Variants in ABTB2 observed in about 807,000 individuals in gnomAD.
ABTB2 encodes ankyrin repeat and BTB/POZ domain-containing protein 2.
ABTB2 carries 56 observed loss-of-function variants against 104.1 expected under a neutral mutation model. The observed-to-expected ratio is 0.54, with a 90% confidence interval of 0.43 to 0.67. ABTB2 has a LOEUF of 0.67. ABTB2 is among the 30% of genes least tolerant of loss of function. The pLI, the probability that ABTB2 is intolerant of heterozygous loss-of-function variation, is 0.00. For synonymous variants in ABTB2, 606 were observed against 608.2 expected (o/e 1.00, Z 0.05); for missense variants, 1,279 against 1,407.7 (o/e 0.91, Z 1.46).
At chr11:34,172,399 T>TAA (rs1852889941) in intron 4 of ABTB2, among the ~76,000 whole-genome samples, 1 of 70,444 alleles carries the variant, frequency 1.4e-5, no homozygotes, top group Non-Finnish European at 2.8e-5. Context: ...AAAAAAAATA[T>TAA]ATATATATAT....
chr11:34,293,876 C>T (rs1222469712), intron 1 of ABTB2, among the ~76,000 whole-genome samples: 1 of 152,048 alleles, frequency 6.6e-6, no homozygotes, highest in Non-Finnish European at 1.5e-5. Context: ...AGGTGCATGC[C>T]ACCATGCCTG....
chr11:34,164,765 T>C lies in ABTB2; in HGVS notation c.1909A>G (p.Met637Val), dbSNP rs761924074. The stretch of plus-strand genomic sequence containing the variant: ...GAGCCCATGCCGTGGGCCTCCAGCA[T>C]GCTGAGGAGGGGGTCGGCGCCTCGG... ...LSRGADPLLS[M>V]LEAHGMGSSL... is the part of the protein sequence containing the mutation. Residue 637 changes from methionine (M) to valine (V), a missense_variant, in exon 9 of 17, where the codon ATG becomes GTG. Met to Val is a conservative substitution (Grantham distance 21). Coordinates refer to ENST00000435224, the MANE Select transcript of ABTB2 (RefSeq NM_145804.3). The C allele has an allele frequency of 6.4e-7, 1 of 1,565,630 alleles. No homozygotes were observed. The highest frequency in any genetic ancestry group is 2.4e-5 in the East Asian group (1 of 41,566).
At chr11:34,350,621 TG>T (rs1187566939) in intron 1 of ABTB2, among the ~76,000 whole-genome samples, 1 of 152,190 alleles carries the variant, frequency 6.6e-6, no homozygotes, top group African/African-American at 2.4e-5. Context: ...GATACACCCC[TG>T]GGTGTCAGTG....
At position 34,327,121 on chromosome 11, in the gene ABTB2, A is replaced by T. The variant is rs180930765; in HGVS notation, c.883+29580T>A. ...CATACCAGTTAGGAGATAATGGATT[A>T]TGAGAACAGATAAACAACAAAACAT... On this transcript the variant is annotated intron_variant, in intron 1 of 16. Transcript: ENST00000435224. Among the ~76,000 whole-genome samples the T allele has an allele frequency of 3.9e-5, 6 of 152,346 alleles. 1 individual carries two copies. Among genetic ancestry groups the T allele is most frequent in the Admixed American group, 3.3e-4 (5 of 15,292 alleles).
At chr11:34,197,265 C>T (rs535027959) in intron 3 of ABTB2, 60 bp downstream of exon 3, 329 of 1,557,558 alleles carry the variant, frequency 2.1e-4, no homozygotes, top group Non-Finnish European at 1.5e-4. Context: ...GTCAGTCAGT[C>T]GGTCAATGCA....
At chr11:34,212,253 C>T (rs528825386) in intron 1 of ABTB2, among the ~76,000 whole-genome samples, 177 of 152,198 alleles carry the variant, frequency 1.2e-3, no homozygotes, top group African/African-American at 4.1e-3. Flanking sequence ...GACGGGGTTT[C>T]GCCATGTTGG....
chr11:34,276,674 A>C (rs1203184428), intron 1 of ABTB2, among the ~76,000 whole-genome samples: 1 of 152,224 alleles, frequency 6.6e-6, no homozygotes, highest in Non-Finnish European at 1.5e-5. Flanking sequence ...CAGGACGTCA[A>C]ATCAAATTAG....
chr11:34,189,739 G>C (rs1853148377), intron 3 of ABTB2, among the ~76,000 whole-genome samples: 1 of 152,122 alleles, frequency 6.6e-6, no homozygotes, highest in African/African-American at 2.4e-5. Flanking sequence ...AATCTTCTGT[G>C]GCTGTCCTTT....
At chr11:34,233,765 T>G (rs2064990) in intron 1 of ABTB2, among the ~76,000 whole-genome samples, 143,567 of 152,022 alleles carry the variant, frequency 0.94, 68,013 homozygotes, top group East Asian at 1. Flanking sequence ...TATTAATATA[T>G]TATAATTTTT....
chr11:34,309,406 C>T (rs1271161554), intron 1 of ABTB2, among the ~76,000 whole-genome samples: 1 of 152,132 alleles, frequency 6.6e-6, no homozygotes, highest in Admixed American at 6.5e-5. Context: ...ACTCCTATTG[C>T]AAAATGTGTT....
intron 1 of ABTB2, among the ~76,000 whole-genome samples, chr11:34,324,684 T>C (rs1006425261): frequency 3.3e-5 from 5 of 152,192 alleles, no homozygotes; most frequent in Admixed American, 6.5e-5. Context: ...GCCAAAGCCT[T>C]CTGAGGCTTG....
intron 10 of ABTB2, among the ~76,000 whole-genome samples, chr11:34,162,094 CGTG>C (rs1852729016): frequency 6.6e-6 from 1 of 152,178 alleles, no homozygotes; most frequent in Non-Finnish European, 1.5e-5. Flanking sequence ...GGAGAGAGGA[CGTG>C]GTATGCAGCT....
intron 1 of ABTB2, among the ~76,000 whole-genome samples, chr11:34,276,007 C>A (rs1276236711): frequency 2.0e-5 from 3 of 152,158 alleles, no homozygotes; most frequent in East Asian, 3.8e-4. Flanking sequence ...GAACAGAAAC[C>A]TTTTCACATT....
At chr11:34,199,047 C>G (rs1276137719) in intron 2 of ABTB2, among the ~76,000 whole-genome samples, 2 of 152,210 alleles carry the variant, frequency 1.3e-5, no homozygotes, top group Non-Finnish European at 2.9e-5. Flanking sequence ...GTGTTCTGTT[C>G]CGTTGTGTCC....
intron 16 of ABTB2, among the ~76,000 whole-genome samples, chr11:34,153,558 A>T (rs548265118): frequency 6.6e-6 from 1 of 152,158 alleles, no homozygotes; most frequent in Non-Finnish European, 1.5e-5. Flanking sequence ...GGTTCTTGCC[A>T]TGTTTCACAG....
At chr11:34,270,830 G>A (rs879345696) in intron 1 of ABTB2, among the ~76,000 whole-genome samples, 5 of 151,932 alleles carry the variant, frequency 3.3e-5, no homozygotes, top group East Asian at 3.8e-4. Flanking sequence ...ATAGCATATC[G>A]TCAAGTTTTG....
chr11:34,348,876 G>A (rs1451427011), intron 1 of ABTB2, among the ~76,000 whole-genome samples: 2 of 151,994 alleles, frequency 1.3e-5, no homozygotes, highest in Non-Finnish European at 2.9e-5. Flanking sequence ...TATATGCTTT[G>A]CTTTCCCTAC....
At chr11:34,185,658 G>T (rs1853087503) in intron 3 of ABTB2, among the ~76,000 whole-genome samples, 1 of 152,214 alleles carries the variant, frequency 6.6e-6, no homozygotes, top group African/African-American at 2.4e-5. Flanking sequence ...CAACCATTCT[G>T]AATGGTCACT....
At chr11:34,166,362 T>C (rs1343337442) in intron 7 of ABTB2, among the ~76,000 whole-genome samples, 1 of 152,258 alleles carries the variant, frequency 6.6e-6, no homozygotes, top group East Asian at 1.9e-4. Context: ...GGGGGCCTGC[T>C]CACTGGGGCA....
Sources: allele counts gnomAD v4.1 joint callset (sites outside exome capture counted in the v4.1 genomes callset), GRCh38; gene constraint gnomAD v4.1.1; transcripts MANE v1.5; gene names NCBI Gene and HGNC (gene_info 2026-07-23, HGNC 2026-07-21).